Variants in APTX observed in about 807,000 individuals in gnomAD.
APTX encodes forkhead-associated domain histidine triad-like protein.
In APTX, 33 loss-of-function variants were observed where a neutral mutation model predicts 42.3. The observed-to-expected ratio is 0.78, with a 90% CI of 0.59 to 1.04. The LOEUF is 1.04. Ranked by LOEUF, APTX falls within the 50% of genes least tolerant of loss-of-function variation. APTX has a pLI of 0.00. For missense variants in APTX, 421 were observed against 415.1 expected (o/e 1.01, Z -0.12); for synonymous variants, 130 against 146.7 (o/e 0.89, Z 0.82).
chr9:32,993,415 T>A (rs1393622969), intron 1 of APTX, among the ~76,000 whole-genome samples: 1 of 152,182 alleles, frequency 6.6e-6, no homozygotes, highest in African/African-American at 2.4e-5. Flanking sequence ...CCAGTAAAAC[T>A]CCATAAACTG....
intron 6 of APTX, among the ~76,000 whole-genome samples, chr9:32,984,323 C>A (rs573924668): frequency 1.3e-5 from 2 of 152,254 alleles, no homozygotes; most frequent in South Asian, 4.1e-4. Context: ...TGATAAAAGC[C>A]ACTGACCACA....
At position 32,987,674 on chromosome 9, in the gene APTX, G is replaced by C. The variant is rs1563967576; in HGVS notation, c.353C>G (p.Ser118Ter). ...CCTTTCTATAGAATCACTGTTGCCT[G>C]ATCTCTTTCTCTTCCTGTGTGTTTC... is the stretch of plus-strand genomic sequence containing the variant. ...GLETHRKRKR[S>*]GNSDSIERDA... Residue 118 changes from serine to a stop codon, truncating the protein, a stop_gained, in exon 4 of 8, where the codon TCA becomes TGA. Coordinates refer to ENST00000379817, the MANE Select transcript of APTX (RefSeq NM_001195248.2). LOFTEE classifies it high-confidence loss of function. 6.2e-7 allele frequency: 1 copy of C among 1,614,154 alleles called. No homozygotes were observed. Among genetic ancestry groups the C allele is most frequent in the Non-Finnish European group, 8.5e-7 (1 of 1,180,026 alleles).
chr9:32,987,250 A>G (rs1420810733), intron 4 of APTX, among the ~76,000 whole-genome samples: 1 of 152,240 alleles, frequency 6.6e-6, no homozygotes, highest in Non-Finnish European at 1.5e-5. Flanking sequence ...TATGAATTAC[A>G]TGATCTATGA....
chr9:33,017,935 C>CA (rs201174317), intron 1 of APTX, among the ~76,000 whole-genome samples: 1 of 93,342 alleles, frequency 1.1e-5, no homozygotes, highest in African/African-American at 4.5e-5. Flanking sequence ...AGCGCCCCCC[C>CA]CCCCCTCCCA....
rs760776287 is a variant in APTX at position 32,987,710 on chromosome 9, T to C, written c.317A>G (p.Asn106Ser). Residue 106 changes from asparagine (N) to serine (S), a missense_variant, in exon 4 of 8, where the codon AAC becomes AGC. Physicochemically the swap from Asn to Ser is conservative, Grantham distance 46. Transcript: ENST00000379817. ...CTTCCTGTGTGTTTCCAGGCCAGGG[T>C]TCTTTGCCTCTTCCTCAAACTCTAC... Reference protein sequence around the residue: ...YIVEFEEEAKNPGLETHRKRK... With the variant: ...YIVEFEEEAKSPGLETHRKRK... 13 of 1,614,060 alleles carry C rather than the reference T, an allele frequency of 8.1e-6. No homozygotes were observed. The highest frequency in any genetic ancestry group is 1.0e-5 in the Non-Finnish European group (12 of 1,180,044).
upstream of APTX, among the ~76,000 whole-genome samples, chr9:33,006,329 A>T (rs1042131546): frequency 6.6e-6 from 1 of 152,190 alleles, no homozygotes; most frequent in East Asian, 1.9e-4. Context: ...AAAATCAATA[A>T]ATCTAGCCAA....
chr9:33,015,658 G>C (rs182830643), intron 1 of APTX, among the ~76,000 whole-genome samples: 11 of 152,198 alleles, frequency 7.2e-5, no homozygotes, highest in Admixed American at 7.2e-4. Context: ...CGCCCGGCCT[G>C]TATTTTCTTT....
chr9:32,986,032 T>TAAAAAAAAACCAAAAAAAAAAAAAAAAA lies in APTX; in HGVS notation c.484-3_484-2insTTTTTTTTTTTTTTTTTGGTTTTTTTTT. ...TTGACTCCAGTGGCCCAGGGATTCC[T>TAAAAAAAAACCAAAAAAAAAAAAAAAAA]AAAAAAAAAACAAAAAAAAAAACAA... On this transcript the variant is annotated splice_polypyrimidine_tract_variant and splice_region_variant and intron_variant, in intron 4 of 7. Coordinates refer to ENST00000379817, the MANE Select transcript of APTX (RefSeq NM_001195248.2). 1 of 732,442 alleles carries TAAAAAAAAACCAAAAAAAAAAAAAAAAA rather than the reference T, an allele frequency of 1.4e-6. No individual in the cohort carries two copies. Among genetic ancestry groups the TAAAAAAAAACCAAAAAAAAAAAAAAAAA allele is most frequent in the South Asian group, 1.9e-5 (1 of 51,916 alleles). 45.4% of individuals were successfully genotyped at this position (732,442 alleles called of 1,614,324 possible).
chr9:32,997,340 A>G (rs1248198396), intron 1 of APTX: 1 of 123,446 alleles, frequency 8.1e-6, no homozygotes, highest in Non-Finnish European at 1.7e-5. Context: ...TCATCTAAAA[A>G]AAATAAATCT....
At chr9:32,989,629 G>C in intron 2 of APTX, 130 bp downstream of exon 2, 1 of 1,363,830 alleles carries the variant, frequency 7.3e-7, no homozygotes, top group Non-Finnish European at 1.0e-6. Flanking sequence ...TTGGCTAAAA[G>C]AGCTCAGTTC....
intron 1 of APTX, chr9:33,024,935 C>G (rs980127371): frequency 6.0e-5 from 9 of 150,472 alleles, no homozygotes; most frequent in African/African-American, 2.2e-4. Flanking sequence ...TCACTGTACT[C>G]GAGCCCTTCC....
At chr9:32,981,518 T>G (rs1830667369) in intron 6 of APTX, among the ~76,000 whole-genome samples, 1 of 152,274 alleles carries the variant, frequency 6.6e-6, no homozygotes, top group South Asian at 2.1e-4. Flanking sequence ...AATCAACCAC[T>G]TCTCTCACAG....
intron 1 of APTX, among the ~76,000 whole-genome samples, chr9:33,011,245 G>A (rs1454803158): frequency 6.6e-6 from 1 of 152,060 alleles, no homozygotes; most frequent in Non-Finnish European, 1.5e-5. Flanking sequence ...ATATCTGGGT[G>A]AAATGAGAAA....
chr9:33,004,379 T>C (rs1258650121), upstream of APTX, among the ~76,000 whole-genome samples: 1 of 152,224 alleles, frequency 6.6e-6, no homozygotes, highest in Non-Finnish European at 1.5e-5. Context: ...ATTATACACT[T>C]CATCCATGAA....
In APTX at chr9:33,018,237, A is replaced by C. The variant is rs1838062712; in HGVS notation, c.-5+6786T>G. On this transcript the variant is annotated intron_variant, in intron 1 of 6. Coordinates refer to the APTX transcript ENST00000436040. ...GTGATTCTCCTGCCTCAGCCTCCCG[A>C]GTAGCTGGGACTACAGGCACGTGCC... is the stretch of plus-strand genomic sequence containing the variant. Among the ~76,000 whole-genome samples the C allele has an allele frequency of 2.0e-5, 3 of 150,134 alleles. No individual in the cohort carries two copies. The South Asian group carries it at 6.4e-4, about 32-fold the overall frequency.
chr9:32,988,206 C>T, intron 2 of APTX, 77 bp from the exon 3 acceptor site: 2 of 1,339,532 alleles, frequency 1.5e-6, no homozygotes, highest in Non-Finnish European at 2.2e-6. Context: ...CTAAAGAAAA[C>T]AAGCTTCACT....
At chr9:32,976,541 T>C (rs1411798467) in intron 6 of APTX, among the ~76,000 whole-genome samples, 1 of 152,232 alleles carries the variant, frequency 6.6e-6, no homozygotes, top group African/African-American at 2.4e-5. Context: ...TAATGATTTA[T>C]ACAATCCTTA....
At chr9:33,017,700 C>T (rs546241099) in intron 1 of APTX, among the ~76,000 whole-genome samples, 14 of 152,166 alleles carry the variant, frequency 9.2e-5, no homozygotes, top group Non-Finnish European at 1.5e-4. Context: ...GGAAGGGATA[C>T]GGACCTTCAA....
At chr9:32,984,515 ACT>A in intron 6 of APTX, 114 bp downstream of exon 6, 2 of 1,080,028 alleles carry the variant, frequency 1.9e-6, no homozygotes, top group Non-Finnish European at 2.8e-6. Flanking sequence ...CTTTGGAAAA[ACT>A]CCATCCCACT....
Sources: allele counts gnomAD v4.1 joint callset (sites outside exome capture counted in the v4.1 genomes callset), GRCh38; gene constraint gnomAD v4.1.1; transcripts MANE v1.5; gene names NCBI Gene and HGNC (gene_info 2026-07-23, HGNC 2026-07-21).